The following CPEB3 variants were observed in gnomAD, a reference collection of about 807,000 sequenced individuals.
CPEB3 encodes the protein cytoplasmic polyadenylation element binding protein 3.
CPEB3 carries 20 observed loss-of-function variants against 67.2 expected under a neutral mutation model. The observed-to-expected ratio is 0.30, with a 90% CI of 0.21 to 0.43. The LOEUF (loss-of-function observed/expected upper bound fraction) is 0.43, where lower values mean the gene tolerates loss of function less well. Ranked by LOEUF, CPEB3 falls within the 20% of genes least tolerant of loss-of-function variation. The pLI is 1.00. For synonymous variants in CPEB3, 376 were observed against 393.1 expected, an observed-to-expected ratio of 0.96 and a Z score of 0.51; for missense variants, 746 against 968.6, an observed-to-expected ratio of 0.77 and a Z score of 3.05.
At chr10:92,216,137 A>AAT (rs1162966427) in intron 2 of CPEB3, among the ~76,000 whole-genome samples, 15 of 150,832 alleles carry the variant, frequency 9.9e-5, no homozygotes, top group Admixed American at 4.0e-4. Flanking sequence ...AAATCATTTA[A>AAT]ATATATATAT....
intron 2 of CPEB3, among the ~76,000 whole-genome samples, chr10:92,203,337 GATAT>G (rs10534634): frequency 2.8e-4 from 39 of 141,170 alleles, no homozygotes; most frequent in African/African-American, 5.2e-4. Flanking sequence ...CATAAGAGAT[GATAT>G]ATATATATAT....
chr10:92,250,245 AC>A (rs975065707), intron 1 of CPEB3, among the ~76,000 whole-genome samples: 2 of 150,660 alleles, frequency 1.3e-5, no homozygotes, highest in African/African-American at 4.9e-5. Context: ...ACTCCACCAC[AC>A]CCGGCTAATT....
chr10:92,062,273 C>T lies in CPEB3; in HGVS notation c.1870-9834G>A, dbSNP rs984464049. On this transcript the variant is annotated intron_variant, in intron 9 of 9. Transcript: ENST00000265997. ...AAAAAAAAAAAAAAAATTAGCCAGG[C>T]ATGGTGGCACACACCTATAATCCCA... Among the ~76,000 whole-genome samples the T allele has an allele frequency of 2.0e-5, 3 of 148,324 alleles. No homozygotes were observed. In the East Asian group the frequency reaches 5.9e-4, roughly 29 times the overall value.
At chr10:92,123,040 G>A (rs1246709451) in intron 6 of CPEB3, among the ~76,000 whole-genome samples, 1 of 152,212 alleles carries the variant, frequency 6.6e-6, no homozygotes, top group Non-Finnish European at 1.5e-5. Flanking sequence ...TGGGTTGGTT[G>A]CTTGGCAGCA....
chr10:92,130,397 A>C (rs1845791311), intron 6 of CPEB3, among the ~76,000 whole-genome samples: 1 of 152,004 alleles, frequency 6.6e-6, no homozygotes, highest in African/African-American at 2.4e-5. Context: ...AAGTCATGAA[A>C]ACAAACATTG....
chr10:92,143,187 A>C, intron 5 of CPEB3, 69 bp from the exon 6 acceptor site: 1 of 1,177,932 alleles, frequency 8.5e-7, no homozygotes, highest in Admixed American at 2.1e-5. Flanking sequence ...AGAAGAGCAC[A>C]AAACATGTCT....
chr10:92,159,205 G>A (rs1335505468), intron 4 of CPEB3, among the ~76,000 whole-genome samples: 1 of 152,146 alleles, frequency 6.6e-6, no homozygotes, highest in Non-Finnish European at 1.5e-5. Flanking sequence ...AGAGGTTGCA[G>A]TGAGCTGAGA....
intron 6 of CPEB3, among the ~76,000 whole-genome samples, chr10:92,131,191 G>C (rs1467422661): frequency 1.3e-5 from 2 of 152,122 alleles, no homozygotes; most frequent in Non-Finnish European, 2.9e-5. Context: ...CCAGAATCAG[G>C]AGATTAGATT....
chr10:92,215,900 C>T (rs181953666), intron 2 of CPEB3, among the ~76,000 whole-genome samples: 108 of 150,986 alleles, frequency 7.2e-4, no homozygotes, highest in Non-Finnish European at 1.1e-3. Context: ...CAGGTGCGTG[C>T]CACCACATGC....
At chr10:92,052,544 A>G in intron 9 of CPEB3, 105 bp from the exon 10 acceptor site, 1 of 950,576 alleles carries the variant, frequency 1.1e-6, no homozygotes, top group East Asian at 2.5e-5. Flanking sequence ...TCTCAATCAG[A>G]CGCTGCTTTC....
intron 2 of CPEB3, among the ~76,000 whole-genome samples, chr10:92,229,229 T>C (rs1228164923): frequency 6.6e-6 from 1 of 151,964 alleles, no homozygotes; most frequent in African/African-American, 2.4e-5. Context: ...AGACAGGGTC[T>C]CACTATGTTG....
rs377473316 is a variant in CPEB3, at chr10:92,051,862, A to C, written c.*350T>G. 5.2e-6 allele frequency: 1 copy of C among 192,642 alleles called. No individual in the cohort carries two copies. Among genetic ancestry groups the C allele is most frequent in the East Asian group, 1.3e-4 (1 of 7,642 alleles). 11.9% of individuals were successfully genotyped at this position (192,642 alleles called of 1,614,324 possible). ...ACAATCAGAACAACACCACAACAAC[A>C]AACAAAAGAATCACAGACAGTAGCC... On this transcript the variant is annotated 3_prime_UTR_variant, in exon 10 of 10. Transcript: ENST00000265997.
chr10:92,289,732 A>AAAAATATATATAT, intron 1 of CPEB3, among the ~76,000 whole-genome samples: 5 of 75,764 alleles, frequency 6.6e-5, no homozygotes, highest in Non-Finnish European at 1.0e-4. Flanking sequence ...AAAAAAAAAA[A>AAAAATATATATAT]ATATATATAT....
Position 92,206,633 on chromosome 10 carries a change from T to C in CPEB3, c.1006-13997A>G, listed in dbSNP as rs573162741. Among the ~76,000 whole-genome samples, 148 of 152,330 alleles carry C rather than the reference T, an allele frequency of 9.7e-4. 2 individuals carry two copies. In the South Asian group the frequency reaches 0.029, roughly 30 times the overall value. ...ATTTATGTTTATATATTTATTTATG[T>C]TCATATCTTATTTTGTAGGCAATAA... On this transcript the variant is annotated intron_variant, in intron 2 of 9. Coordinates refer to ENST00000265997, the MANE Select transcript of CPEB3 (RefSeq NM_014912.5).
chr10:92,071,276 C>A (rs1236014195), intron 9 of CPEB3, among the ~76,000 whole-genome samples: 1 of 152,108 alleles, frequency 6.6e-6, no homozygotes, highest in African/African-American at 2.4e-5. Context: ...ATCTGATTTA[C>A]AAATTTCTAG....
At position 92,240,078 on chromosome 10, in the gene CPEB3, C is replaced by T. The variant is rs2134673643; in HGVS notation, c.273G>A (p.Pro91=). The T allele has an allele frequency of 6.3e-7, 1 of 1,587,518 alleles. No individual in the cohort carries two copies. Among genetic ancestry groups the T allele is most frequent in the South Asian group, 1.1e-5 (1 of 88,088 alleles). ...CCGGTGCCGCGGGCTCCTGAGGCGG[C>T]GGCGGCTGCTGAGGAGGCTGATGGA... The part of the protein sequence containing the change: ...LSFHQPPQQP[P]PPQEPAAPGA... The change falls in exon 2 of 10, where the codon CCG becomes CCA. Residue 91 remains proline (P), a synonymous_variant. Transcript: ENST00000265997.
intron 1 of CPEB3, among the ~76,000 whole-genome samples, chr10:92,277,733 A>G (rs1034337179): frequency 3.9e-5 from 6 of 152,160 alleles, no homozygotes; most frequent in African/African-American, 7.2e-5. Flanking sequence ...TCTACTAAAA[A>G]TACAAAAATC....
intron 1 of CPEB3, among the ~76,000 whole-genome samples, chr10:92,267,184 G>A (rs577306575): frequency 6.6e-6 from 1 of 152,300 alleles, no homozygotes; most frequent in East Asian, 1.9e-4. Flanking sequence ...TCAAGCTGGG[G>A]TTGGCAAATT....
At chr10:92,253,481 A>AAAAAAAAAAAAAAAG (rs1564910688) in intron 1 of CPEB3, among the ~76,000 whole-genome samples, 1 of 144,826 alleles carries the variant, frequency 6.9e-6, no homozygotes, top group Non-Finnish European at 1.5e-5. Context: ...AAAAAAAAAA[A>AAAAAAAAAAAAAAAG]AAAGAAAAGA....
Sources: gnomAD v4.1 joint callset for allele counts (sites outside exome capture counted in the v4.1 genomes callset) on GRCh38, gnomAD v4.1.1 for gene constraint, MANE v1.5 for transcripts, NCBI Gene and HGNC (gene_info 2026-07-23, HGNC 2026-07-21) for gene names.